PKNOX2: variants seen among roughly 807,000 people sequenced by gnomAD.
PKNOX2 encodes PBX/knotted 1 homeobox 2.
A neutral mutation model predicts 53.1 loss-of-function variants in PKNOX2; 14 were observed. The observed-to-expected ratio is 0.26, with a 90% confidence interval of 0.17 to 0.41. The LOEUF is 0.41. Ranked by LOEUF, PKNOX2 falls within the 10% of genes least tolerant of loss-of-function variation. PKNOX2 has a pLI of 1.00. For synonymous variants in PKNOX2, 257 were observed against 242.8 expected (o/e 1.06, Z -0.54); for missense variants, 496 against 602.8 (o/e 0.82, Z 1.85).
At chr11:125,358,948 G>A (rs1270558365) in intron 4 of PKNOX2, among the ~76,000 whole-genome samples, 2 of 152,220 alleles carry the variant, frequency 1.3e-5, no homozygotes, top group African/African-American at 4.8e-5. Context: ...GATGAGGCAG[G>A]AGTCCAGTCT....
intron 2 of PKNOX2, among the ~76,000 whole-genome samples, chr11:125,321,591 A>C (rs1375643019): frequency 2.0e-5 from 3 of 152,202 alleles, no homozygotes; most frequent in Admixed American, 1.3e-4. Flanking sequence ...GCAGATGTGG[A>C]ACCCACAGAT....
intron 2 of PKNOX2, among the ~76,000 whole-genome samples, chr11:125,265,865 C>T (rs763595943): frequency 1.3e-5 from 2 of 152,136 alleles, no homozygotes; most frequent in Non-Finnish European, 2.9e-5. Context: ...CTCTCCTCAC[C>T]GTCTAAACTC....
At chr11:125,188,913 G>A (rs1055893476) in intron 1 of PKNOX2, among the ~76,000 whole-genome samples, 9 of 151,780 alleles carry the variant, frequency 5.9e-5, no homozygotes, top group Non-Finnish European at 1.2e-4. Context: ...CCCGTGAAAG[G>A]ACGTGGCACC....
chr11:125,277,446 C>T (rs1157311688), intron 2 of PKNOX2: 1 of 152,204 alleles, frequency 6.6e-6, no homozygotes, highest in African/African-American at 2.4e-5. Context: ...AGACTGACAG[C>T]ATTTCATACG....
intron 6 of PKNOX2, among the ~76,000 whole-genome samples, chr11:125,397,009 C>G (rs145767579): frequency 2.2e-4 from 33 of 152,294 alleles, no homozygotes; most frequent in African/African-American, 7.9e-4. Context: ...GCGATTGGAT[C>G]GAAGACAGGT....
chr11:125,352,083 C>T lies in PKNOX2; in HGVS notation c.87+691C>T, dbSNP rs1951356392. Among the ~76,000 whole-genome samples, 1 of 152,094 alleles carries T rather than the reference C, an allele frequency of 6.6e-6. No individual in the cohort carries two copies. Among genetic ancestry groups the T allele is most frequent in the Admixed American group, 6.5e-5 (1 of 15,282 alleles). Reference sequence around the variant, plus strand: ...TCTGGCTGTCTTCATGCTGCCTGCCCTTCTCCTCCTGGAAGCCTGCCCAGC... The same window carrying T: ...TCTGGCTGTCTTCATGCTGCCTGCCTTTCTCCTCCTGGAAGCCTGCCCAGC... On this transcript the variant is annotated intron_variant, in intron 4 of 12. Transcript: ENST00000298282. This position sits in a 1 kb window ranked among gnomAD's most constrained non-coding sequence, Gnocchi z 4.1.
intron 1 of PKNOX2, among the ~76,000 whole-genome samples, chr11:125,176,443 G>A (rs763514822): frequency 6.6e-6 from 1 of 152,264 alleles, no homozygotes; most frequent in Non-Finnish European, 1.5e-5. Flanking sequence ...AGACGTTCAA[G>A]TTCCGTGGGT....
intron 1 of PKNOX2, among the ~76,000 whole-genome samples, chr11:125,229,180 C>G (rs982894314): frequency 6.6e-6 from 1 of 152,140 alleles, no homozygotes; most frequent in African/African-American, 2.4e-5. Context: ...ATGCGACACC[C>G]CCACCACCCC....
chr11:125,409,625 T>C lies in PKNOX2; in HGVS notation c.589-571T>C, dbSNP rs562216472. On this transcript the variant is annotated intron_variant, in intron 7 of 12. Transcript: ENST00000298282. ...AGGCTGCTCTGTGTGTGCAGCCTAGTGTGACAGGCCTGTGATGGAGGTGTG... is the reference window on the plus strand; with the variant it reads ...AGGCTGCTCTGTGTGTGCAGCCTAGCGTGACAGGCCTGTGATGGAGGTGTG... Among the ~76,000 whole-genome samples, 92 of 152,210 alleles carry C rather than the reference T, an allele frequency of 6.0e-4. 1 individual carries two copies. Among genetic ancestry groups the C allele is most frequent in the African/African-American group, 2.1e-3 (87 of 41,520 alleles).
chr11:125,210,655 T>G (rs1193775551), intron 1 of PKNOX2, among the ~76,000 whole-genome samples: 1 of 152,128 alleles, frequency 6.6e-6, no homozygotes, highest in Non-Finnish European at 1.5e-5. Flanking sequence ...CACCTGGGAC[T>G]GAGGGGTTTC....
intron 5 of PKNOX2, among the ~76,000 whole-genome samples, chr11:125,375,661 G>A (rs142176767): frequency 1.4e-3 from 206 of 152,248 alleles, no homozygotes; most frequent in African/African-American, 4.8e-3. Flanking sequence ...AGTGTGTGTG[G>A]GTGTGTGTTT....
intron 2 of PKNOX2, among the ~76,000 whole-genome samples, chr11:125,244,296 G>A (rs879795817): frequency 6.6e-6 from 1 of 152,262 alleles, no homozygotes; most frequent in Non-Finnish European, 1.5e-5. Context: ...CAGCTGGGCA[G>A]TGAGGCCTAC....
chr11:125,258,958 C>A, intron 2 of PKNOX2: 1 of 269,492 alleles, frequency 3.7e-6, no homozygotes, highest in Non-Finnish European at 7.8e-6. Context: ...CCTAGTTCAT[C>A]ATGGTCTGCC....
chr11:125,404,993 G>T (rs1052398210), intron 7 of PKNOX2, among the ~76,000 whole-genome samples: 3 of 152,142 alleles, frequency 2.0e-5, no homozygotes, highest in African/African-American at 7.2e-5. Context: ...CCGCCAGCAC[G>T]CGCCTTCTGG....
intron 5 of PKNOX2, among the ~76,000 whole-genome samples, chr11:125,371,427 C>T (rs1264154945): frequency 2.6e-5 from 4 of 152,088 alleles, no homozygotes; most frequent in Non-Finnish European, 2.9e-5. Context: ...GCCCCACCCG[C>T]CCATGCTGGT....
chr11:125,292,266 G>A (rs1947354457), intron 2 of PKNOX2, among the ~76,000 whole-genome samples: 1 of 152,192 alleles, frequency 6.6e-6, no homozygotes, highest in Non-Finnish European at 1.5e-5. Context: ...ATCTGCATCT[G>A]CTACCACCAG....
chr11:125,322,961 A>G (rs1949611135), intron 2 of PKNOX2, among the ~76,000 whole-genome samples: 2 of 152,236 alleles, frequency 1.3e-5, no homozygotes, highest in South Asian at 4.1e-4. Context: ...CATCTTGCAG[A>G]TAACCCCAGT....
intron 1 of PKNOX2, among the ~76,000 whole-genome samples, chr11:125,214,088 T>A (rs1469525063): frequency 1.3e-5 from 2 of 152,100 alleles, no homozygotes; most frequent in Non-Finnish European, 2.9e-5. Context: ...GTTATGTCAC[T>A]TGCCCAAGAT....
At chr11:125,237,230 G>A (rs1478794104) in intron 2 of PKNOX2, among the ~76,000 whole-genome samples, 1 of 152,176 alleles carries the variant, frequency 6.6e-6, no homozygotes, top group Non-Finnish European at 1.5e-5. Context: ...CCAAGGGTGA[G>A]CATCTAAGAG....
Sources: gnomAD v4.1 joint callset for allele counts (sites outside exome capture counted in the v4.1 genomes callset) on GRCh38, gnomAD v4.1.1 for gene constraint, Gnocchi (gnomAD v3.1) non-coding constraint, MANE v1.5 for transcripts, NCBI Gene and HGNC (gene_info 2026-07-23, HGNC 2026-07-21) for gene names.